The following TPTE variants were observed in gnomAD, a reference collection of about 807,000 sequenced individuals.
TPTE encodes the protein transmembrane phosphatase with tensin homology, also known as putative tyrosine-protein phosphatase TPTE.
A neutral mutation model predicts 84.1 loss-of-function variants in TPTE; 59 were observed. That is an observed-to-expected ratio of 0.70 (90% CI 0.57 to 0.87). The LOEUF is 0.87. TPTE is among the 40% of genes least tolerant of loss of function. The probability of loss-of-function intolerance (pLI) is 0.00; values close to 1 mark genes in which losing one functional copy is unlikely to be tolerated. For missense variants in TPTE, 382 were observed against 659.6 expected (o/e 0.58, Z 4.61); for synonymous variants, 130 against 223.5 (o/e 0.58, Z 3.73).
intron 17 of TPTE, among the ~76,000 whole-genome samples, chr21:10,584,946 C>T (rs2075336351): frequency 1.3e-5 from 2 of 152,186 alleles, no homozygotes; most frequent in African/African-American, 4.8e-5. Flanking sequence ...TAAGAAATTC[C>T]TTGGCTGGGC....
intron 15 of TPTE, among the ~76,000 whole-genome samples, chr21:10,577,782 T>C (rs1194896860): frequency 1.3e-5 from 2 of 152,304 alleles, no homozygotes; most frequent in Non-Finnish European, 1.5e-5. Context: ...AGATCTGTTC[T>C]AGCGATATTA....
intron 10 of TPTE, 109 bp from the exon 11 acceptor site, chr21:10,567,561 A>C: frequency 6.5e-7 from 1 of 1,535,190 alleles, no homozygotes; most frequent in South Asian, 1.2e-5. Context: ...TAAATAATTC[A>C]TGATAGTAGA....
At chr21:10,576,862 T>TATATAC in intron 14 of TPTE, among the ~76,000 whole-genome samples, 1 of 134,894 alleles carries the variant, frequency 7.4e-6, no homozygotes, top group African/African-American at 3.2e-5. Context: ...TATATATATA[T>TATATAC]ATATATATAT....
chr21:10,540,486 A>G (rs542302162), intron 4 of TPTE, among the ~76,000 whole-genome samples: 33 of 152,406 alleles, frequency 2.2e-4, no homozygotes, highest in Admixed American at 2.1e-3. Flanking sequence ...CTTTCCTAGT[A>G]GCATGAACCA....
intron 14 of TPTE, among the ~76,000 whole-genome samples, chr21:10,574,494 G>A (rs1438401329): frequency 6.6e-6 from 1 of 152,308 alleles, no homozygotes; most frequent in Non-Finnish European, 1.5e-5. Context: ...AATGTTTAGA[G>A]TGATGCAAGA....
At chr21:10,547,671 G>A (rs1266590767) in intron 7 of TPTE, among the ~76,000 whole-genome samples, 1 of 152,306 alleles carries the variant, frequency 6.6e-6, no homozygotes, top group Non-Finnish European at 1.5e-5. Context: ...CTCCTCTGGG[G>A]GCCAGTAGCC....
At chr21:10,563,677 C>T (rs1600908296) in intron 10 of TPTE, among the ~76,000 whole-genome samples, 1 of 152,306 alleles carries the variant, frequency 6.6e-6, no homozygotes, top group African/African-American at 2.4e-5. Context: ...GAAACTAAAT[C>T]ATATCACCAG....
At chr21:10,547,661 C>T (rs1240259026) in intron 7 of TPTE, among the ~76,000 whole-genome samples, 3 of 152,428 alleles carry the variant, frequency 2.0e-5, no homozygotes, top group East Asian at 3.8e-4. Flanking sequence ...TGAGTGTGCC[C>T]TCCTCTGGGG....
intron 21 of TPTE, among the ~76,000 whole-genome samples, chr21:10,598,589 A>T (rs1181106106): frequency 6.6e-6 from 1 of 152,312 alleles, no homozygotes; most frequent in Non-Finnish European, 1.5e-5. Context: ...AGACTTAGCA[A>T]TGTCCCAAGT....
intron 1 of TPTE, among the ~76,000 whole-genome samples, chr21:10,522,316 G>T (rs936386146): frequency 6.6e-6 from 1 of 152,290 alleles, no homozygotes; most frequent in Non-Finnish European, 1.5e-5. Context: ...AGGGCTTGGG[G>T]TGCGGGGTTC....
Position 10,539,854 on chromosome 21 carries a change from A to C in TPTE, c.11+1120A>C, listed in dbSNP as rs1180602059. On this transcript the variant is annotated intron_variant, in intron 4 of 23. Transcript: ENST00000618007. ...GTGAAACCCCATCTCTACTAAAAATACAAAATTAACCGGGTGTGGTGGCAG... is the reference window on the plus strand; with the variant it reads ...GTGAAACCCCATCTCTACTAAAAATCCAAAATTAACCGGGTGTGGTGGCAG... Among the ~76,000 whole-genome samples, 9 of 152,306 alleles carry C rather than the reference A, an allele frequency of 5.9e-5. No individual in the cohort carries two copies. In the South Asian group the frequency reaches 1.0e-3, roughly 17 times the overall value.
intron 1 of TPTE, among the ~76,000 whole-genome samples, chr21:10,523,719 CCAAGT>C (rs1568946853): frequency 6.6e-6 from 1 of 152,296 alleles, no homozygotes; most frequent in Non-Finnish European, 1.5e-5. Flanking sequence ...TGGGTTGGTT[CCAAGT>C]CTTTGCTATT....
chr21:10,558,337 T>C (rs1291625661), intron 8 of TPTE, among the ~76,000 whole-genome samples: 2 of 152,310 alleles, frequency 1.3e-5, no homozygotes, highest in Admixed American at 1.3e-4. Context: ...TAGTACTTTT[T>C]ACAGTGATTG....
At chr21:10,563,919 G>A (rs2074860376) in intron 10 of TPTE, among the ~76,000 whole-genome samples, 1 of 152,310 alleles carries the variant, frequency 6.6e-6, no homozygotes, top group Admixed American at 6.5e-5. Context: ...AGTTTGGGAG[G>A]CCAAGGCAGG....
rs776946246 is a variant in TPTE, at chr21:10,567,773, C to T, written c.550C>T (p.Leu184Phe). The change falls in exon 11 of 24, where the codon CTT (leucine) becomes TTT (phenylalanine). Residue 184 changes from leucine to phenylalanine, a missense_variant. Leu to Phe is a conservative substitution (Grantham distance 22, BLOSUM62 0). Coordinates refer to ENST00000618007, the MANE Select transcript of TPTE (RefSeq NM_199261.4). ...VVYIFFDIKL[L>F]RNIPRWTHLL... Reference sequence around the variant, plus strand: ...TTACATTTTTTTTGACATTAAGTTGCTTAGGAATATTCCCAGGTATGAAAC... The same window carrying T: ...TTACATTTTTTTTGACATTAAGTTGTTTAGGAATATTCCCAGGTATGAAAC... 16 of 1,613,204 alleles carry T rather than the reference C, an allele frequency of 9.9e-6. No homozygotes were observed. Among genetic ancestry groups the T allele is most frequent in the Admixed American group, 3.3e-5 (2 of 59,986 alleles).
chr21:10,547,477 G>A (rs1477414931), intron 7 of TPTE, among the ~76,000 whole-genome samples: 1 of 152,426 alleles, frequency 6.6e-6, no homozygotes, highest in South Asian at 2.1e-4. Context: ...CAAACACAAA[G>A]TCTTTACAAC....
At chr21:10,591,809 A>G (rs550977709) in intron 18 of TPTE, among the ~76,000 whole-genome samples, 53 of 152,310 alleles carry the variant, frequency 3.5e-4, no homozygotes, top group African/African-American at 1.2e-3. Context: ...AATTTTATGA[A>G]TGTATGAATC....
intron 3 of TPTE, among the ~76,000 whole-genome samples, chr21:10,537,054 C>T (rs2074279166): frequency 6.6e-6 from 1 of 152,310 alleles, no homozygotes; most frequent in Non-Finnish European, 1.5e-5. Flanking sequence ...TTTCTTGACC[C>T]TGTGTGAGAG....
intron 4 of TPTE, among the ~76,000 whole-genome samples, chr21:10,539,204 A>G (rs1397282528): frequency 6.6e-6 from 1 of 152,308 alleles, no homozygotes; most frequent in Non-Finnish European, 1.5e-5. Context: ...TATTTGCAAC[A>G]TGGAGGAGAT....
Sources: gnomAD v4.1 joint callset for allele counts (sites outside exome capture counted in the v4.1 genomes callset) on GRCh38, gnomAD v4.1.1 for gene constraint, MANE v1.5 for transcripts, NCBI Gene and HGNC (gene_info 2026-07-23, HGNC 2026-07-21) for gene names.